KIRREL3: variants seen among roughly 807,000 people sequenced by gnomAD.
KIRREL3 encodes kirre like nephrin family adhesion molecule 3, also known as kin of IRRE-like protein 3.
Under a neutral mutation model 89.7 loss-of-function variants are expected in KIRREL3, and 36 were observed. The ratio of observed to expected loss-of-function variants is 0.40; its 90% CI spans 0.31 to 0.53. The LOEUF (loss-of-function observed/expected upper bound fraction) is 0.53, where lower values mean the gene tolerates loss of function less well. KIRREL3 is among the 20% of genes least tolerant of loss of function. The pLI is 0.49. For synonymous variants in KIRREL3, 445 were observed against 441.4 expected, an observed-to-expected ratio of 1.01 and a Z score of -0.10; for missense variants, 864 against 1,056.6, an observed-to-expected ratio of 0.82 and a Z score of 2.53.
chr11:126,927,537 CT>C (rs1347183795), intron 1 of KIRREL3, among the ~76,000 whole-genome samples: 8 of 152,284 alleles, frequency 5.3e-5, no homozygotes, highest in African/African-American at 1.9e-4. Context: ...AAGGAAAGGT[CT>C]CCTTTGACCA....
Position 126,479,247 on chromosome 11 carries a change from C to T in KIRREL3, c.434-5781G>A, listed in dbSNP as rs531216586. 2.6e-5 allele frequency among the ~76,000 whole-genome samples: 4 copies of T among 152,308 alleles called. No individual in the cohort carries two copies. The East Asian group carries it at 7.7e-4, about 29-fold the overall frequency. Reference sequence around the variant, plus strand: ...GGTGCATCTCCCACACCTTCAGCATCTTCTCCATCCCCAGGTTCCCCGCTG... The same window carrying T: ...GGTGCATCTCCCACACCTTCAGCATTTTCTCCATCCCCAGGTTCCCCGCTG... On this transcript the variant is annotated intron_variant, in intron 4 of 16. Transcript: ENST00000525144.
At chr11:126,853,355 T>C (rs1484893579) in intron 1 of KIRREL3, among the ~76,000 whole-genome samples, 1 of 152,258 alleles carries the variant, frequency 6.6e-6, no homozygotes, top group African/African-American at 2.4e-5. Context: ...CATGGAGTTA[T>C]CTTGTGGCCA....
intron 1 of KIRREL3, among the ~76,000 whole-genome samples, chr11:126,759,292 G>A (rs1949599231): frequency 6.6e-6 from 1 of 152,066 alleles, no homozygotes; most frequent in African/African-American, 2.4e-5. Context: ...ACCATGCCTG[G>A]CTAATCTTTG....
rs1048236553 is a variant in KIRREL3 at position 126,879,381 on chromosome 11, T to C, written c.55+121074A>G. ...CATCTGGAAATGTATGTTTCAACTC[T>C]TTCTTTTTTGTGGCAGCCAGCTGTA... On this transcript the variant is annotated intron_variant, in intron 1 of 16. Coordinates refer to ENST00000525144, the MANE Select transcript of KIRREL3 (RefSeq NM_032531.4). The surrounding 1 kb of genome is among the most constrained non-coding windows in gnomAD (Gnocchi z 5.4). Among the ~76,000 whole-genome samples, 7 of 152,232 alleles carry C rather than the reference T, an allele frequency of 4.6e-5. No individual in the cohort carries two copies. Among genetic ancestry groups the C allele is most frequent in the African/African-American group, 1.4e-4 (6 of 41,462 alleles).
chr11:126,743,174 CAAAA>C (rs901006680), intron 1 of KIRREL3, among the ~76,000 whole-genome samples: 18 of 151,862 alleles, frequency 1.2e-4, no homozygotes, highest in African/African-American at 3.4e-4. Flanking sequence ...AACAAACAAA[CAAAA>C]AAAACAGCAC....
intron 1 of KIRREL3, among the ~76,000 whole-genome samples, chr11:126,663,636 G>C (rs1032553493): frequency 2.6e-5 from 4 of 152,188 alleles, no homozygotes; most frequent in African/African-American, 9.7e-5. Context: ...TAATAGCTGG[G>C]GATGGCAGGT....
Position 126,571,411 on chromosome 11 carries a change from G to C in KIRREL3, c.56-8499C>G, listed in dbSNP as rs1254553580. On this transcript the variant is annotated intron_variant, in intron 1 of 16. Coordinates refer to ENST00000525144, the MANE Select transcript of KIRREL3 (RefSeq NM_032531.4). The surrounding 1 kb of genome is among the most constrained non-coding windows in gnomAD (Gnocchi z 7.7). ...GGGACACTGGTTACTATCTTTGGGG[G>C]CTGGGTGCAGCCCAGCCTTGCCCCT... Among the ~76,000 whole-genome samples the C allele has an allele frequency of 2.0e-5, 3 of 152,170 alleles. No homozygotes were observed. Among genetic ancestry groups the C allele is most frequent in the African/African-American group, 7.2e-5 (3 of 41,446 alleles).
Position 126,571,409 on chromosome 11 carries a change from G to A in KIRREL3, c.56-8497C>T, listed in dbSNP as rs1044071541. 2.0e-5 allele frequency among the ~76,000 whole-genome samples: 3 copies of A among 152,138 alleles called. No individual in the cohort carries two copies. Among genetic ancestry groups the A allele is most frequent in the Admixed American group, 6.5e-5 (1 of 15,280 alleles). ...GTGGGACACTGGTTACTATCTTTGG[G>A]GGCTGGGTGCAGCCCAGCCTTGCCC... On this transcript the variant is annotated intron_variant, in intron 1 of 16. Transcript: ENST00000525144. The surrounding 1 kb of genome is among the most constrained non-coding windows in gnomAD (Gnocchi z 7.7).
intron 1 of KIRREL3, chr11:126,934,857 G>A (rs1784348): frequency 0.33 from 50,497 of 152,058 alleles, 9,075 homozygotes; most frequent in Middle Eastern, 0.54. Context: ...TCAGGACATC[G>A]AGGCTATCCT....
At chr11:126,675,642 G>A (rs1245002362) in intron 1 of KIRREL3, among the ~76,000 whole-genome samples, 1 of 152,216 alleles carries the variant, frequency 6.6e-6, no homozygotes, top group Non-Finnish European at 1.5e-5. Context: ...CCACTCCCAA[G>A]AACAAAGAGC....
chr11:126,458,418 GTCATGCAC>G (rs1436305685), intron 6 of KIRREL3, among the ~76,000 whole-genome samples: 4 of 148,638 alleles, frequency 2.7e-5, no homozygotes, highest in Admixed American at 6.7e-5. Context: ...GAGTCATACA[GTCATGCAC>G]TCAGCCTCTA....
chr11:126,985,496 TG>T lies in KIRREL3; in HGVS notation c.55+14958del, dbSNP rs1434653909. ...AAGGAAGGGCATTTAAATTAGATTG[TG>T]GGGAGAGAGGTCAAGGAAACTTCCA... On this transcript the variant is annotated intron_variant, in intron 1 of 16. Coordinates refer to ENST00000525144, the MANE Select transcript of KIRREL3 (RefSeq NM_032531.4). The surrounding 1 kb of genome is among the most constrained non-coding windows in gnomAD (Gnocchi z 5.3). Among the ~76,000 whole-genome samples, 1 of 151,932 alleles carries T rather than the reference TG, an allele frequency of 6.6e-6. No homozygotes were observed. The highest frequency in any genetic ancestry group is 1.5e-5 in the Non-Finnish European group (1 of 67,986).
At position 126,996,468 on chromosome 11, in the gene KIRREL3, C is replaced by A. The variant is rs1362465898; in HGVS notation, c.55+3987G>T. Reference sequence around the variant, plus strand: ...GGCTCTCTTCCGATGCCTCCCCAACCCTGCCCCTCCCAAGGGAACTCCTTG... The same window carrying A: ...GGCTCTCTTCCGATGCCTCCCCAACACTGCCCCTCCCAAGGGAACTCCTTG... On this transcript the variant is annotated intron_variant, in intron 1 of 16. Coordinates refer to ENST00000525144, the MANE Select transcript of KIRREL3 (RefSeq NM_032531.4). The surrounding 1 kb of genome is among the most constrained non-coding windows in gnomAD (Gnocchi z 4.7). Among the ~76,000 whole-genome samples the A allele has an allele frequency of 6.6e-6, 1 of 152,202 alleles. No individual in the cohort carries two copies. Among genetic ancestry groups the A allele is most frequent in the African/African-American group, 2.4e-5 (1 of 41,444 alleles).
intron 1 of KIRREL3, among the ~76,000 whole-genome samples, chr11:126,882,078 C>G (rs147395571): frequency 2.0e-5 from 3 of 152,202 alleles, no homozygotes; most frequent in African/African-American, 7.2e-5. Flanking sequence ...ATGATCATTT[C>G]CTTGTACTCT....
At chr11:126,884,633 T>C (rs1187846829) in intron 1 of KIRREL3, among the ~76,000 whole-genome samples, 1 of 152,152 alleles carries the variant, frequency 6.6e-6, no homozygotes, top group East Asian at 1.9e-4. Context: ...CGGGGTAAAA[T>C]AGCAAATGCA....
Position 126,742,657 on chromosome 11 carries a change from G to C in KIRREL3, c.56-179745C>G, listed in dbSNP as rs1454271375. Among the ~76,000 whole-genome samples the C allele has an allele frequency of 6.6e-6, 1 of 152,188 alleles. No homozygotes were observed. The highest frequency in any genetic ancestry group is 1.5e-5 in the Non-Finnish European group (1 of 68,026). Reference sequence around the variant, plus strand: ...TGGTTGAACTGGGACATCAGCCTAGGTATGTCTAACTCCGAATTTTATTTT... The same window carrying C: ...TGGTTGAACTGGGACATCAGCCTAGCTATGTCTAACTCCGAATTTTATTTT... On this transcript the variant is annotated intron_variant, in intron 1 of 16. Coordinates refer to ENST00000525144, the MANE Select transcript of KIRREL3 (RefSeq NM_032531.4). This position sits in a 1 kb window ranked among gnomAD's most constrained non-coding sequence, Gnocchi z 5.3.
intron 1 of KIRREL3, among the ~76,000 whole-genome samples, chr11:126,661,720 T>C (rs1012879269): frequency 1.3e-5 from 2 of 152,216 alleles, no homozygotes; most frequent in Non-Finnish European, 2.9e-5. Flanking sequence ...CTGAGGGAGC[T>C]AGAAAACTAT....
intron 1 of KIRREL3, among the ~76,000 whole-genome samples, chr11:126,848,277 T>G (rs188959582): frequency 1.3e-5 from 2 of 152,382 alleles, no homozygotes; most frequent in African/African-American, 4.8e-5. Flanking sequence ...TTATTCTTGC[T>G]GCACTTTATA....
At chr11:126,567,995 T>C (rs1024265404) in intron 1 of KIRREL3, among the ~76,000 whole-genome samples, 1 of 152,098 alleles carries the variant, frequency 6.6e-6, no homozygotes, top group Admixed American at 6.5e-5. Flanking sequence ...AGTTCAGGTG[T>C]GCTTGCTGAA....
Sources: gnomAD v4.1 joint callset for allele counts (sites outside exome capture counted in the v4.1 genomes callset) on GRCh38, gnomAD v4.1.1 for gene constraint, Gnocchi (gnomAD v3.1) non-coding constraint, MANE v1.5 for transcripts, NCBI Gene and HGNC (gene_info 2026-07-23, HGNC 2026-07-21) for gene names.